Variants in FBXL5 observed in about 807,000 individuals in gnomAD.
FBXL5 encodes F-box/LRR-repeat protein 5.
FBXL5 carries 26 observed loss-of-function variants against 78.3 expected under a neutral mutation model. That is an observed-to-expected ratio of 0.33 (90% confidence interval 0.24 to 0.46). The LOEUF (loss-of-function observed/expected upper bound fraction) is 0.46, where lower values mean the gene tolerates loss of function less well. Among genes scored for constraint, FBXL5 ranks in the 20% least tolerant of loss-of-function variants. The pLI, the probability that FBXL5 is intolerant of heterozygous loss-of-function variation, is 1.00. For missense variants in FBXL5, 710 were observed against 829.2 expected, an observed-to-expected ratio of 0.86 and a Z score of 1.77; for synonymous variants, 295 against 282.5, an observed-to-expected ratio of 1.04 and a Z score of -0.45.
chr4:15,674,688 C>T (rs1394608395), intron 1 of FBXL5, among the ~76,000 whole-genome samples: 3 of 149,170 alleles, frequency 2.0e-5, no homozygotes, highest in Middle Eastern at 3.5e-3. Context: ...CTCACTCTGT[C>T]GCCCAGGCTG....
chr4:15,626,407 T>C (rs1003007493), intron 8 of FBXL5, among the ~76,000 whole-genome samples: 2 of 152,134 alleles, frequency 1.3e-5, no homozygotes, highest in Non-Finnish European at 2.9e-5. Flanking sequence ...AAAAAGGTGC[T>C]GATATAAATA....
chr4:15,623,877 C>A (rs931689751), intron 9 of FBXL5, among the ~76,000 whole-genome samples: 1 of 151,224 alleles, frequency 6.6e-6, no homozygotes, highest in African/African-American at 2.4e-5. Flanking sequence ...GGTTGGAGTG[C>A]AGCAGCATGA....
chr4:15,638,452 T>C (rs1407691280), intron 4 of FBXL5, 56 bp downstream of exon 4: 1 of 1,312,748 alleles, frequency 7.6e-7, no homozygotes, highest in Non-Finnish European at 1.0e-6. Context: ...TTCATATCAG[T>C]AAGATGTCAA....
At chr4:15,662,073 C>T (rs2148772433), upstream of FBXL5, among the ~76,000 whole-genome samples, 1 of 151,900 alleles carries the variant, frequency 6.6e-6, no homozygotes, top group East Asian at 1.9e-4. Flanking sequence ...ATAACATAAT[C>T]TCAGAAGAGA....
intron 9 of FBXL5, among the ~76,000 whole-genome samples, chr4:15,619,558 G>T (rs1380127396): frequency 1.4e-5 from 2 of 147,290 alleles, no homozygotes; most frequent in Non-Finnish European, 3.0e-5. Context: ...ATCATATTCA[G>T]TGGTGAAAGA....
chr4:15,655,501 G>A (rs1249457916), upstream of FBXL5: 2 of 484,288 alleles, frequency 4.1e-6, no homozygotes, highest in Non-Finnish European at 5.4e-6. Context: ...AGAGGCTCGC[G>A]GCTTCTGCCT....
chr4:15,680,682 T>TA (rs928763594), intron 1 of FBXL5, among the ~76,000 whole-genome samples: 15 of 146,798 alleles, frequency 1.0e-4, no homozygotes, highest in East Asian at 2.0e-4. Flanking sequence ...TCTCAAAAAT[T>TA]AAAAAAAAAA....
intron 1 of FBXL5, among the ~76,000 whole-genome samples, chr4:15,671,329 C>A (rs543698196): frequency 6.6e-6 from 1 of 152,274 alleles, no homozygotes; most frequent in South Asian, 2.1e-4. Context: ...TAACTTCTTA[C>A]CTTTGTAACT....
chr4:15,647,739 T>C (rs1053275147), intron 1 of FBXL5, among the ~76,000 whole-genome samples: 3 of 152,230 alleles, frequency 2.0e-5, no homozygotes, highest in Admixed American at 6.5e-5. Context: ...GCACTGACTC[T>C]AGGGCAAGAT....
At chr4:15,655,171 C>G in intron 1 of FBXL5, 33 bp downstream of exon 1, 1 of 1,355,640 alleles carries the variant, frequency 7.4e-7, no homozygotes, top group East Asian at 3.5e-5. Context: ...GCCGCCCGCA[C>G]CGCCCACAGC....
intron 3 of FBXL5, among the ~76,000 whole-genome samples, chr4:15,639,724 G>A (rs1055943327): frequency 2.0e-5 from 3 of 152,172 alleles, no homozygotes; most frequent in African/African-American, 7.2e-5. Flanking sequence ...GGGGGGCCCT[G>A]AAAAAATACC....
intron 1 of FBXL5, among the ~76,000 whole-genome samples, chr4:15,677,063 G>T (rs565408921): frequency 1.2e-4 from 18 of 152,108 alleles, no homozygotes; most frequent in Non-Finnish European, 1.9e-4. Flanking sequence ...CGGATATACC[G>T]CTAGATAGCG....
At chr4:15,659,730 G>A (rs1717216382), upstream of FBXL5, 3 of 984,872 alleles carry the variant, frequency 3.0e-6, no homozygotes, top group South Asian at 4.7e-5. Flanking sequence ...CACCTACCTT[G>A]CGTCATTTAC....
At chr4:15,647,969 GGCCTCA>G (rs764942697) in intron 1 of FBXL5, among the ~76,000 whole-genome samples, 4 of 152,114 alleles carry the variant, frequency 2.6e-5, no homozygotes, top group Non-Finnish European at 5.9e-5. Context: ...TCCTCCTGCT[GGCCTCA>G]GCCTTCCGAA....
intron 1 of FBXL5, chr4:15,681,319 G>GGGGCTGGGGCGGGCGC (rs1718252988): frequency 6.4e-6 from 1 of 157,324 alleles, no homozygotes; most frequent in Admixed American, 6.5e-5. Flanking sequence ...CCGCCAGGTC[G>GGGGCTGGGGCGGGCGC]GGGCTGGGGC....
chr4:15,638,574 G>C lies in FBXL5; in HGVS notation c.517C>G (p.Leu173Val). 1 of 1,611,668 alleles carries C rather than the reference G, an allele frequency of 6.2e-7. No individual in the cohort carries two copies. The highest frequency in any genetic ancestry group is 8.5e-7 in the Non-Finnish European group (1 of 1,179,394). The change falls in exon 4 of 11, where the codon CTA becomes GTA. Residue 173 changes from leucine to valine, a missense_variant. This residue lies in a region of FBXL5 where 517 missense variants were observed against 542.9 expected (regional missense o/e 0.95). Coordinates refer to ENST00000341285, the MANE Select transcript of FBXL5 (RefSeq NM_012161.4). ...TGTCGCTCTTCAGCATGATTCCATA[G>C]GCTAAGACCTCTAAGGAGTTCTGCA... ...DTAELLRGLSLWNHAEERQKF... is the reference protein window; with the variant it reads ...DTAELLRGLSVWNHAEERQKF...
At chr4:15,623,846 G>A (rs965737981) in intron 9 of FBXL5, among the ~76,000 whole-genome samples, 33 of 150,142 alleles carry the variant, frequency 2.2e-4, no homozygotes, top group African/African-American at 7.1e-4. Context: ...TTTTTGAGAC[G>A]GAATTTCGCT....
intron 9 of FBXL5, among the ~76,000 whole-genome samples, chr4:15,621,602 C>T (rs1712486569): frequency 1.3e-5 from 2 of 152,130 alleles, no homozygotes. Context: ...TTGAAACACA[C>T]TAAGTGAAAT....
intron 1 of FBXL5, among the ~76,000 whole-genome samples, chr4:15,674,398 A>G (rs143511271): frequency 6.6e-5 from 10 of 152,230 alleles, no homozygotes; most frequent in African/African-American, 2.4e-4. Flanking sequence ...GAGATCCCAA[A>G]CTGAAATCAA....
Sources: gnomAD v4.1 joint callset for allele counts (sites outside exome capture counted in the v4.1 genomes callset) on GRCh38, gnomAD v4.1.1 for gene constraint, gnomAD v4.1.1 regional missense constraint, MANE v1.5 for transcripts, NCBI Gene and HGNC (gene_info 2026-07-23, HGNC 2026-07-21) for gene names.